Variants in VPS41 observed in about 807,000 individuals in gnomAD.
VPS41 encodes VPS41 subunit of HOPS complex.
In VPS41, 85 loss-of-function variants were observed where a neutral mutation model predicts 130.9. The ratio of observed to expected loss-of-function variants is 0.65; its 90% CI spans 0.55 to 0.78. VPS41 has a LOEUF of 0.78. VPS41 is among the 30% of genes least tolerant of loss of function. VPS41 has a pLI of 0.00. For missense variants in VPS41, 874 were observed against 1,018.7 expected, an observed-to-expected ratio of 0.86 and a Z score of 1.93; for synonymous variants, 335 against 332.9, an observed-to-expected ratio of 1.01 and a Z score of -0.07.
chr7:38,849,890 C>T (rs1785813684), intron 4 of VPS41, among the ~76,000 whole-genome samples: 1 of 148,824 alleles, frequency 6.7e-6, no homozygotes. Flanking sequence ...AGAGACACAC[C>T]CTTCCCTTCC....
At chr7:38,752,067 C>T (rs769633363) in intron 22 of VPS41, 109 bp downstream of exon 22, 163 of 1,478,988 alleles carry the variant, frequency 1.1e-4, no homozygotes, top group Non-Finnish European at 1.4e-4. Flanking sequence ...AGTCTTCCCC[C>T]TGGAAAGGGA....
At chr7:38,748,383 TAAG>T (rs1182515213) in intron 22 of VPS41, among the ~76,000 whole-genome samples, 2 of 152,124 alleles carry the variant, frequency 1.3e-5, no homozygotes, top group Non-Finnish European at 2.9e-5. Context: ...GGGTAACTAA[TAAG>T]AACCTTATCA....
chr7:38,806,836 T>C (rs1394045735), intron 7 of VPS41, among the ~76,000 whole-genome samples: 1 of 152,192 alleles, frequency 6.6e-6, no homozygotes, highest in African/African-American at 2.4e-5. Flanking sequence ...AACCAGAAGC[T>C]AGCCTGGCAC....
intron 25 of VPS41, among the ~76,000 whole-genome samples, chr7:38,731,847 A>T (rs1795670483): frequency 6.6e-6 from 1 of 152,212 alleles, no homozygotes; most frequent in African/African-American, 2.4e-5. Flanking sequence ...AAATCTGTTG[A>T]TATTTTCCCA....
chr7:38,874,116 T>C (rs1352038560), intron 2 of VPS41, among the ~76,000 whole-genome samples: 1 of 152,260 alleles, frequency 6.6e-6, no homozygotes, highest in African/African-American at 2.4e-5. Flanking sequence ...GAATGGGTTC[T>C]ACATTTTTCA....
chr7:38,763,436 C>A lies in VPS41; in HGVS notation c.1422+19G>T. On this transcript the variant is annotated intron_variant, in intron 17 of 28. Transcript: ENST00000310301. ...TCCCATCGAGAACAAGTAAATATGA[C>A]CACATCAGAACACCATACCTCATAA... is the stretch of plus-strand genomic sequence containing the variant. 1 of 1,514,504 alleles carries A rather than the reference C, an allele frequency of 6.6e-7. No homozygotes were observed. The highest frequency in any genetic ancestry group is 2.3e-5 in the East Asian group (1 of 42,896). 93.8% of individuals were successfully genotyped at this position (1,514,504 alleles called of 1,614,324 possible). A position where few individuals can be genotyped will look rare whatever the true frequency, so the allele number is the denominator to read the frequency against.
intron 25 of VPS41, among the ~76,000 whole-genome samples, chr7:38,739,300 A>T (rs1162421325): frequency 1.3e-5 from 2 of 152,076 alleles, no homozygotes; most frequent in East Asian, 3.9e-4. Context: ...AACATGCAAA[A>T]TTTCTCCCAA....
chr7:38,851,335 A>G (rs1785849655), intron 4 of VPS41, among the ~76,000 whole-genome samples: 1 of 152,224 alleles, frequency 6.6e-6, no homozygotes, highest in Admixed American at 6.5e-5. Context: ...TCTGAGATGA[A>G]ACTCCAGGCA....
At chr7:38,770,647 G>T (rs1467348209) in intron 14 of VPS41, among the ~76,000 whole-genome samples, 1 of 152,268 alleles carries the variant, frequency 6.6e-6, no homozygotes, top group Middle Eastern at 3.4e-3. Context: ...CGGCTAGATG[G>T]TCTCCAAGGA....
intron 17 of VPS41, among the ~76,000 whole-genome samples, 162 bp downstream of exon 17, chr7:38,763,293 T>C (rs554687288): frequency 3.9e-5 from 6 of 152,342 alleles, no homozygotes; most frequent in Non-Finnish European, 8.8e-5. Context: ...ACTGTCTACA[T>C]AAACATGAGT....
intron 20 of VPS41, 30 bp downstream of exon 20, chr7:38,754,865 G>T: frequency 1.2e-6 from 2 of 1,608,606 alleles, no homozygotes; most frequent in Non-Finnish European, 1.7e-6. Context: ...CGTTCATCTG[G>T]TAACACATAT....
chr7:38,860,092 G>GTT (rs1282606211), intron 4 of VPS41, among the ~76,000 whole-genome samples: 1 of 152,152 alleles, frequency 6.6e-6, no homozygotes, highest in African/African-American at 2.4e-5. Context: ...ACCTTCTTAT[G>GTT]TAACTGTAGA....
intron 4 of VPS41, among the ~76,000 whole-genome samples, chr7:38,851,194 AG>A (rs1318754948): frequency 6.6e-6 from 1 of 152,218 alleles, no homozygotes; most frequent in African/African-American, 2.4e-5. Flanking sequence ...CTATATAATT[AG>A]GGTAGAACTC....
chr7:38,839,191 T>C (rs1291107855), intron 4 of VPS41, among the ~76,000 whole-genome samples: 2 of 152,206 alleles, frequency 1.3e-5, no homozygotes, highest in African/African-American at 2.4e-5. Context: ...TTACACTCCA[T>C]GTGTGAAAAG....
In VPS41 at chr7:38,726,215, G is replaced by C. The variant is rs1451097261; in HGVS notation, c.*31C>G. On this transcript the variant is annotated 3_prime_UTR_variant, in exon 29 of 29. Coordinates refer to ENST00000310301, the MANE Select transcript of VPS41 (RefSeq NM_014396.4). ...TTGCAAAAACAGTCTCAAAAAGAGT[G>C]GTGACAAGGAGACTGACAAGGAGAA... The C allele has an allele frequency of 1.2e-5, 17 of 1,478,200 alleles. No individual in the cohort carries two copies. The highest frequency in any genetic ancestry group is 1.5e-5 in the Non-Finnish European group (16 of 1,056,294). The allele number at this position is 1,478,200 out of a possible 1,614,324, so 91.6% of individuals were successfully genotyped here. A position where few individuals can be genotyped will look rare whatever the true frequency, so the allele number is the denominator to read the frequency against.
rs1234276240 is a variant in VPS41, at chr7:38,772,398, T to C, written c.1128+124A>G. The C allele has an allele frequency of 3.2e-5, 20 of 617,280 alleles. No individual in the cohort carries two copies. In the East Asian group the frequency reaches 5.8e-4, roughly 18 times the overall value. The allele number at this position is 617,280 out of a possible 1,614,324, so 38.2% of individuals were successfully genotyped here. Reference sequence around the variant, plus strand: ...GGGTACTAGAAAGTTATTAACTTCCTACATATTTTTGGCTTGGGAAACTCT... The same window carrying C: ...GGGTACTAGAAAGTTATTAACTTCCCACATATTTTTGGCTTGGGAAACTCT... On this transcript the variant is annotated intron_variant, in intron 13 of 28. Coordinates refer to ENST00000310301, the MANE Select transcript of VPS41 (RefSeq NM_014396.4).
intron 25 of VPS41, among the ~76,000 whole-genome samples, chr7:38,735,086 G>T (rs962319105): frequency 6.6e-6 from 1 of 152,192 alleles, no homozygotes; most frequent in Non-Finnish European, 1.5e-5. Flanking sequence ...AAGTATGGAT[G>T]TACCAAATTA....
intron 2 of VPS41, among the ~76,000 whole-genome samples, chr7:38,895,650 A>G (rs1218661044): frequency 1.3e-5 from 2 of 152,072 alleles, no homozygotes; most frequent in Admixed American, 1.3e-4. Context: ...TGAGTAGGTA[A>G]GTCTCCTGAT....
rs1258719217 is a variant in VPS41 at position 38,752,292 on chromosome 7, T to C, written c.1810A>G (p.Arg604Gly). Residue 604 changes from arginine (R) to glycine (G), a missense_variant, in exon 22 of 29, where the codon AGA becomes GGA. Coordinates refer to ENST00000310301, the MANE Select transcript of VPS41 (RefSeq NM_014396.4). ...QHVYLHKLFK[R>G]DHHKGQRYHE... Reference sequence around the variant, plus strand: ...TAACGCTGCCCCTTATGGTGGTCTCTCTTGAAAAGCTTATGCAAATACTAA... The same window carrying C: ...TAACGCTGCCCCTTATGGTGGTCTCCCTTGAAAAGCTTATGCAAATACTAA... 4.3e-6 allele frequency: 7 copies of C among 1,613,714 alleles called. No homozygotes were observed. The African/African-American group carries it at 6.7e-5, about 15-fold the overall frequency.
Sources: allele counts gnomAD v4.1 joint callset (sites outside exome capture counted in the v4.1 genomes callset), GRCh38; gene constraint gnomAD v4.1.1; transcripts MANE v1.5; gene names NCBI Gene and HGNC (gene_info 2026-07-23, HGNC 2026-07-21).